The following KCNIP4 variants were observed in gnomAD, a reference collection of about 807,000 sequenced individuals.
KCNIP4 encodes Kv channel-interacting protein 4.
A neutral mutation model predicts 34.0 loss-of-function variants in KCNIP4; 12 were observed. That is an observed-to-expected ratio of 0.35 (90% CI 0.23 to 0.57). The LOEUF (loss-of-function observed/expected upper bound fraction) is 0.57, where lower values mean the gene tolerates loss of function less well. Among genes scored for constraint, KCNIP4 ranks in the 20% least tolerant of loss-of-function variants. The pLI, the probability that KCNIP4 is intolerant of heterozygous loss-of-function variation, is 0.83. For missense variants in KCNIP4, 238 were observed against 311.7 expected (o/e 0.76, Z 1.78); for synonymous variants, 124 against 102.2 (o/e 1.21, Z -1.29).
intron 2 of KCNIP4, among the ~76,000 whole-genome samples, chr4:20,863,068 A>G (rs1307719256): frequency 6.6e-6 from 1 of 152,148 alleles, no homozygotes; most frequent in Non-Finnish European, 1.5e-5. Flanking sequence ...CACTGCCTAG[A>G]CAGAGCCAAT....
chr4:21,079,567 T>C (rs577549049), intron 1 of KCNIP4, among the ~76,000 whole-genome samples: 19 of 151,836 alleles, frequency 1.3e-4, no homozygotes, highest in Non-Finnish European at 2.5e-4. Flanking sequence ...CCTAAACTCA[T>C]GTTCTGAGCA....
At chr4:20,959,410 A>G (rs1003596454) in intron 1 of KCNIP4, among the ~76,000 whole-genome samples, 1 of 152,222 alleles carries the variant, frequency 6.6e-6, no homozygotes, top group Non-Finnish European at 1.5e-5. Context: ...CACAAGTTTA[A>G]GGCTTGGCCC....
At chr4:21,516,802 G>A (rs999176065) in intron 1 of KCNIP4, among the ~76,000 whole-genome samples, 31 of 152,144 alleles carry the variant, frequency 2.0e-4, no homozygotes, top group Admixed American at 5.9e-4. Flanking sequence ...AACGGTTTAG[G>A]AATGTGAAGT....
At chr4:21,511,853 C>A (rs1404873700) in intron 1 of KCNIP4, among the ~76,000 whole-genome samples, 1 of 152,094 alleles carries the variant, frequency 6.6e-6, no homozygotes, top group Non-Finnish European at 1.5e-5. Flanking sequence ...TTTATCACTA[C>A]AAAGTGTCCC....
chr4:21,545,538 C>T (rs759291902), intron 1 of KCNIP4, among the ~76,000 whole-genome samples: 1 of 152,146 alleles, frequency 6.6e-6, no homozygotes, highest in Non-Finnish European at 1.5e-5. Flanking sequence ...CTCCCCTAGC[C>T]CCCAAACCCA....
At chr4:21,487,419 C>T (rs987626913) in intron 1 of KCNIP4, among the ~76,000 whole-genome samples, 1 of 152,164 alleles carries the variant, frequency 6.6e-6, no homozygotes, top group Non-Finnish European at 1.5e-5. Context: ...ATCTTATCAA[C>T]ATGACTTCAC....
At chr4:21,943,022 G>A (rs943352585) in intron 1 of KCNIP4, among the ~76,000 whole-genome samples, 10 of 152,190 alleles carry the variant, frequency 6.6e-5, no homozygotes, top group Non-Finnish European at 1.2e-4. Flanking sequence ...GCCTCCCAAA[G>A]TGCTGAGATT....
intron 1 of KCNIP4, among the ~76,000 whole-genome samples, chr4:21,090,295 G>A (rs1746880621): frequency 2.0e-5 from 3 of 152,200 alleles, no homozygotes; most frequent in South Asian, 2.1e-4. Flanking sequence ...ATATACCACA[G>A]TGTGACACAG....
At chr4:21,391,036 G>A (rs1303244343) in intron 1 of KCNIP4, among the ~76,000 whole-genome samples, 1 of 151,984 alleles carries the variant, frequency 6.6e-6, no homozygotes. Context: ...TGTCAATGTG[G>A]TTTTTATTTT....
chr4:21,074,654 C>T (rs1482848636), intron 1 of KCNIP4, among the ~76,000 whole-genome samples: 1 of 152,028 alleles, frequency 6.6e-6, no homozygotes, highest in Non-Finnish European at 1.5e-5. Context: ...CTGCTCTGAT[C>T]TTAGTTATTT....
chr4:21,690,034 T>C (rs1751142153), intron 1 of KCNIP4, among the ~76,000 whole-genome samples: 1 of 151,044 alleles, frequency 6.6e-6, no homozygotes, highest in Non-Finnish European at 1.5e-5. Flanking sequence ...CCATATTTTG[T>C]AGGGACTTGC....
chr4:21,930,092 C>A (rs1198589876), intron 1 of KCNIP4, among the ~76,000 whole-genome samples: 1 of 152,114 alleles, frequency 6.6e-6, no homozygotes, highest in African/African-American at 2.4e-5. Flanking sequence ...GGGATCAAGA[C>A]ACACACCTTC....
In KCNIP4 at chr4:21,577,857, C is replaced by T. The variant is rs1462852982; in HGVS notation, c.61+370714G>A. 3.9e-5 allele frequency among the ~76,000 whole-genome samples: 6 copies of T among 152,136 alleles called. No homozygotes were observed. In the East Asian group the frequency reaches 1.2e-3, roughly 29 times the overall value. The stretch of plus-strand genomic sequence containing the variant: ...TTTTCTCTTTTGCTTGTCTCTGCTT[C>T]TGTCATCATGTGCTACATCCTGCTC... On this transcript the variant is annotated intron_variant, in intron 1 of 8. Transcript: ENST00000382152.
In KCNIP4 at chr4:21,779,430, T is replaced by G. The variant is rs138136473; in HGVS notation, c.61+169141A>C. 3.1e-3 allele frequency among the ~76,000 whole-genome samples: 476 copies of G among 152,236 alleles called. 2 individuals are homozygous for G. The highest frequency in any genetic ancestry group is 0.011 in the African/African-American group (457 of 41,544). On this transcript the variant is annotated intron_variant, in intron 1 of 8. Transcript: ENST00000382152. ...TTGAAAATTGATGAGAGATTAAAAC[T>G]CAAATGTTCTTATCAAAAAATGATA...
intron 5 of KCNIP4, among the ~76,000 whole-genome samples, chr4:20,745,526 TAAC>T (rs1051530716): frequency 6.6e-5 from 10 of 152,202 alleles, no homozygotes; most frequent in East Asian, 1.9e-4. Context: ...GTGACAAACT[TAAC>T]AACAACTCTC....
intron 1 of KCNIP4, among the ~76,000 whole-genome samples, chr4:21,181,156 T>C (rs1754808494): frequency 6.6e-6 from 1 of 152,126 alleles, no homozygotes; most frequent in Admixed American, 6.6e-5. Flanking sequence ...AATATCCTCC[T>C]GAGGGAAATA....
At chr4:20,972,462 T>C (rs1366625212) in intron 1 of KCNIP4, among the ~76,000 whole-genome samples, 1 of 152,148 alleles carries the variant, frequency 6.6e-6, no homozygotes, top group Non-Finnish European at 1.5e-5. Flanking sequence ...TACATCTCCA[T>C]TAGAACTCCT....
chr4:21,871,682 T>A (rs545156203), intron 1 of KCNIP4, among the ~76,000 whole-genome samples: 1 of 152,078 alleles, frequency 6.6e-6, no homozygotes, highest in South Asian at 2.1e-4. Flanking sequence ...CAATTTCTCA[T>A]CCTCCACCAT....
At chr4:21,549,874 A>G (rs1738428425) in intron 1 of KCNIP4, among the ~76,000 whole-genome samples, 1 of 152,090 alleles carries the variant, frequency 6.6e-6, no homozygotes. Flanking sequence ...CTCTGCTCAC[A>G]TGTTAAATCT....
Sources: allele counts gnomAD v4.1 joint callset (sites outside exome capture counted in the v4.1 genomes callset), GRCh38; gene constraint gnomAD v4.1.1; transcripts MANE v1.5; gene names NCBI Gene and HGNC (gene_info 2026-07-23, HGNC 2026-07-21).